BRAF: variants seen among roughly 807,000 people sequenced by gnomAD.
BRAF encodes the protein serine/threonine-protein kinase B-raf.
In BRAF, 16 loss-of-function variants were observed where a neutral mutation model predicts 104.6. That is an observed-to-expected ratio of 0.15 (90% CI 0.10 to 0.23). The LOEUF (loss-of-function observed/expected upper bound fraction) is 0.23, where lower values mean the gene tolerates loss of function less well. Ranked by LOEUF, BRAF falls within the 10% of genes least tolerant of loss-of-function variation. The probability of loss-of-function intolerance (pLI) is 1.00; values close to 1 mark genes in which losing one functional copy is unlikely to be tolerated. For synonymous variants in BRAF, 310 were observed against 341.6 expected (o/e 0.91, Z 1.02); for missense variants, 541 against 937.3 (o/e 0.58, Z 5.52).
chr7:140,730,461 G>A (rs1013463981), intron 19 of BRAF, among the ~76,000 whole-genome samples: 5 of 152,040 alleles, frequency 3.3e-5, no homozygotes, highest in East Asian at 1.9e-4. Flanking sequence ...TCTGCCTCCC[G>A]GGTTCAAGCA....
At chr7:140,763,426 C>T (rs559506560) in intron 14 of BRAF, among the ~76,000 whole-genome samples, 1 of 152,080 alleles carries the variant, frequency 6.6e-6, no homozygotes, top group East Asian at 1.9e-4. Flanking sequence ...AGAGGCGCCC[C>T]TCACCTCCCG....
intron 13 of BRAF, 112 bp from the exon 13 acceptor site, chr7:140,777,200 T>G: frequency 8.6e-7 from 1 of 1,169,006 alleles, no homozygotes; most frequent in Non-Finnish European, 1.2e-6. Flanking sequence ...AAGCTTTTTT[T>G]TTTTTAAAAA....
intron 15 of BRAF, chr7:140,753,635 G>A: frequency 2.6e-6 from 1 of 390,608 alleles, no homozygotes; most frequent in Non-Finnish European, 4.8e-6. Context: ...GATGAGGTGA[G>A]ATGCTTTCCT....
chr7:140,736,112 C>T (rs1181718396), intron 18 of BRAF, among the ~76,000 whole-genome samples: 9 of 147,192 alleles, frequency 6.1e-5, no homozygotes, highest in Admixed American at 5.5e-4. Context: ...ACTCTATTGT[C>T]CAGGCTGGAG....
chr7:140,867,850 C>T (rs1563004984), intron 1 of BRAF, among the ~76,000 whole-genome samples: 1 of 152,318 alleles, frequency 6.6e-6, no homozygotes, highest in East Asian at 1.9e-4. Flanking sequence ...TTACCCGTAA[C>T]TCTGCAATCC....
intron 14 of BRAF, among the ~76,000 whole-genome samples, chr7:140,764,903 C>G (rs567382274): frequency 6.6e-6 from 1 of 152,230 alleles, no homozygotes; most frequent in African/African-American, 2.4e-5. Flanking sequence ...AATGCCATCC[C>G]CATCAAGCTA....
At chr7:140,870,010 C>A (rs2129091600) in intron 1 of BRAF, among the ~76,000 whole-genome samples, 1 of 151,894 alleles carries the variant, frequency 6.6e-6, no homozygotes, top group East Asian at 1.9e-4. Flanking sequence ...TAAAAGAGGG[C>A]AAGGGGGAAA....
intron 14 of BRAF, among the ~76,000 whole-genome samples, chr7:140,765,122 C>T (rs1256485068): frequency 6.6e-6 from 1 of 152,044 alleles, no homozygotes; most frequent in Admixed American, 6.6e-5. Context: ...TGGAACAGAA[C>T]AGAGCCCTCA....
intron 5 of BRAF, among the ~76,000 whole-genome samples, chr7:140,804,127 T>C (rs892208486): frequency 3.9e-5 from 6 of 152,074 alleles, no homozygotes; most frequent in African/African-American, 1.4e-4. Flanking sequence ...CCTCAAGTGA[T>C]CCGCCTGCCT....
At chr7:140,822,090 T>G (rs1052006007) in intron 3 of BRAF, among the ~76,000 whole-genome samples, 1 of 152,132 alleles carries the variant, frequency 6.6e-6, no homozygotes, top group South Asian at 2.1e-4. Flanking sequence ...GGATCATTTG[T>G]ACATCAAACC....
At chr7:140,878,420 C>T (rs898195333) in intron 1 of BRAF, among the ~76,000 whole-genome samples, 5 of 152,016 alleles carry the variant, frequency 3.3e-5, no homozygotes, top group African/African-American at 1.2e-4. Flanking sequence ...ACAAATCATT[C>T]TTCAACAAAA....
chr7:140,763,769 G>T (rs1254430928), intron 14 of BRAF, among the ~76,000 whole-genome samples: 5 of 152,166 alleles, frequency 3.3e-5, no homozygotes, highest in Non-Finnish European at 7.3e-5. Context: ...TCTCTGAATA[G>T]ACCAATAACA....
chr7:140,862,196 G>A (rs1336191876), intron 1 of BRAF, among the ~76,000 whole-genome samples: 1 of 152,156 alleles, frequency 6.6e-6, no homozygotes, highest in African/African-American at 2.4e-5. Flanking sequence ...GAATAAATGG[G>A]CAAGGAGAAA....
Position 140,916,753 on chromosome 7 carries a change from G to C in BRAF, c.138+7813C>G, listed in dbSNP as rs193071642. On this transcript the variant is annotated intron_variant, in intron 1 of 19. Coordinates refer to ENST00000644969, the MANE Select transcript of BRAF (RefSeq NM_001374258.1). The stretch of plus-strand genomic sequence containing the variant: ...AGAGATATATTAACTATATACTGAA[G>C]TCTTAAGTATTTGGGGGTAGAAGAC... Among the ~76,000 whole-genome samples the C allele has an allele frequency of 3.3e-3, 496 of 152,256 alleles. 3 individuals carry two copies. Among genetic ancestry groups the C allele is most frequent in the African/African-American group, 0.011 (473 of 41,530 alleles).
chr7:140,729,949 A>G (rs1343566235), intron 19 of BRAF, among the ~76,000 whole-genome samples: 2 of 152,174 alleles, frequency 1.3e-5, no homozygotes, highest in Non-Finnish European at 2.9e-5. Flanking sequence ...CACTCTATCA[A>G]AAGTCTAGTG....
intron 14 of BRAF, among the ~76,000 whole-genome samples, chr7:140,755,748 T>G (rs61142678): frequency 0.084 from 12,796 of 151,928 alleles, 1,705 homozygotes; most frequent in African/African-American, 0.29. Context: ...TGGAAATAAA[T>G]GGGCCCCAAT....
intron 17 of BRAF, among the ~76,000 whole-genome samples, chr7:140,743,132 A>C (rs1045331075): frequency 5.1e-4 from 78 of 151,712 alleles, no homozygotes; most frequent in Non-Finnish European, 1.0e-3. Flanking sequence ...GTGGGACTGT[A>C]AACTAGTTCA....
chr7:140,758,941 T>TA lies in BRAF; in HGVS notation c.1815-4709dup, dbSNP rs1798432035. Among the ~76,000 whole-genome samples, 3 of 152,350 alleles carry TA rather than the reference T, an allele frequency of 2.0e-5. No individual in the cohort carries two copies. In the South Asian group the frequency reaches 6.2e-4, roughly 32 times the overall value. ...TTTTTGCGATTAGTAACACCCCCTTTAGGCTTGGGAAACCATTGATAATGA... is the reference window on the plus strand; with the variant it reads ...TTTTTGCGATTAGTAACACCCCCTTTAAGGCTTGGGAAACCATTGATAATGA... On this transcript the variant is annotated intron_variant, in intron 14 of 19. Transcript: ENST00000644969.
chr7:140,834,453 C>T, intron 3 of BRAF, 156 bp downstream of exon 3: 1 of 1,051,098 alleles, frequency 9.5e-7, no homozygotes, highest in South Asian at 1.5e-5. Context: ...ATAGACTTTG[C>T]CACCAAATAA....
Sources: gnomAD v4.1 joint callset for allele counts (sites outside exome capture counted in the v4.1 genomes callset) on GRCh38, gnomAD v4.1.1 for gene constraint, MANE v1.5 for transcripts, NCBI Gene and HGNC (gene_info 2026-07-23, HGNC 2026-07-21) for gene names.